The following SYT6 variants were observed in gnomAD, a reference collection of about 807,000 sequenced individuals.
SYT6 encodes the protein synaptotagmin 6.
Under a neutral mutation model 38.4 loss-of-function variants are expected in SYT6, and 24 were observed. The observed-to-expected ratio is 0.62, with a 90% CI of 0.45 to 0.88. The LOEUF (loss-of-function observed/expected upper bound fraction) is 0.88. SYT6 is among the 40% of genes least tolerant of loss of function. The probability of loss-of-function intolerance (pLI) is 0.00; values close to 1 mark genes in which losing one functional copy is unlikely to be tolerated. For synonymous variants in SYT6, 265 were observed against 241.9 expected (o/e 1.10, Z -0.89); for missense variants, 611 against 621.0 (o/e 0.98, Z 0.17).
chr1:114,111,542 C>A (rs1446222758), intron 3 of SYT6, among the ~76,000 whole-genome samples: 1 of 152,176 alleles, frequency 6.6e-6, no homozygotes, highest in Admixed American at 6.5e-5. Context: ...CCTGAAATAA[C>A]CTCTCCATCC....
At chr1:114,127,575 G>A (rs1677819479) in intron 3 of SYT6, among the ~76,000 whole-genome samples, 1 of 152,186 alleles carries the variant, frequency 6.6e-6, no homozygotes, top group African/African-American at 2.4e-5. Flanking sequence ...TTTCCTCCTA[G>A]TCACTATAGG....
At chr1:114,111,643 C>T (rs1407808287) in intron 3 of SYT6, among the ~76,000 whole-genome samples, 2 of 152,244 alleles carry the variant, frequency 1.3e-5, no homozygotes, top group East Asian at 1.9e-4. Flanking sequence ...TTGGTCTGGC[C>T]TGGGGTTGTG....
intron 3 of SYT6, among the ~76,000 whole-genome samples, chr1:114,116,828 C>G (rs1419815053): frequency 6.6e-6 from 1 of 152,208 alleles, no homozygotes; most frequent in African/African-American, 2.4e-5. Flanking sequence ...CCTGGGGCAT[C>G]TATGCCTTCC....
At chr1:114,149,040 A>G (rs750529532) in intron 1 of SYT6, among the ~76,000 whole-genome samples, 2 of 152,098 alleles carry the variant, frequency 1.3e-5, no homozygotes, top group Admixed American at 6.5e-5. Flanking sequence ...GCCTGACCCT[A>G]TGAACCTGGA....
chr1:114,107,685 G>A (rs932571996), intron 3 of SYT6, among the ~76,000 whole-genome samples: 4 of 152,200 alleles, frequency 2.6e-5, no homozygotes, highest in African/African-American at 7.2e-5. Flanking sequence ...TAAACAGAGA[G>A]GGTCAGCATC....
Position 114,091,905 on chromosome 1 carries a change from G to A in SYT6, c.*229C>T, listed in dbSNP as rs1290685513. The stretch of plus-strand genomic sequence containing the variant: ...CAGGTAAGACTCTGGAGTGACGGAC[G>A]GCTGCCGCTGCTGCCGCCACTGCGA... On this transcript the variant is annotated 3_prime_UTR_variant, in exon 8 of 8. Coordinates refer to ENST00000610222, the MANE Select transcript of SYT6 (RefSeq NM_001253772.2). 16 of 1,156,056 alleles carry A rather than the reference G, an allele frequency of 1.4e-5. No individual in the cohort carries two copies. The South Asian group carries it at 1.4e-4, about 10-fold the overall frequency. The allele number at this position is 1,156,056 out of a possible 1,614,324, so 71.6% of individuals were successfully genotyped here.
chr1:114,146,540 A>T (rs1239111833), intron 1 of SYT6, among the ~76,000 whole-genome samples: 4 of 152,208 alleles, frequency 2.6e-5, no homozygotes. Context: ...TAGAACTTTG[A>T]TGGGCAACTC....
At chr1:114,137,467 A>T (rs201488360) in intron 3 of SYT6, 28 bp downstream of exon 3, 1 of 1,589,374 alleles carries the variant, frequency 6.3e-7, no homozygotes, top group South Asian at 1.1e-5. Context: ...CAAATCCTCA[A>T]GAAGCCAAGG....
chr1:114,120,617 A>C (rs915813255), intron 3 of SYT6, among the ~76,000 whole-genome samples: 4 of 152,240 alleles, frequency 2.6e-5, no homozygotes, highest in Non-Finnish European at 5.9e-5. Flanking sequence ...CTTGCTGTGC[A>C]ACCTCAGATA....
chr1:114,128,233 C>T (rs1037944158), intron 3 of SYT6, among the ~76,000 whole-genome samples: 2 of 152,236 alleles, frequency 1.3e-5, no homozygotes, highest in African/African-American at 2.4e-5. Flanking sequence ...AGAAAACTCT[C>T]CCTCTCTGCT....
At chr1:114,138,410 A>G (rs1415708409) in intron 2 of SYT6, among the ~76,000 whole-genome samples, 1 of 152,164 alleles carries the variant, frequency 6.6e-6, no homozygotes, top group Non-Finnish European at 1.5e-5. Context: ...AGATTCCTTA[A>G]GAGAAGGACC....
chr1:114,098,127 G>A (rs1220075398), intron 5 of SYT6, among the ~76,000 whole-genome samples: 1 of 152,172 alleles, frequency 6.6e-6, no homozygotes, highest in Non-Finnish European at 1.5e-5. Context: ...GAAGTGGTGG[G>A]CAGATAGCCT....
chr1:114,123,234 C>G (rs1330557167), intron 3 of SYT6, among the ~76,000 whole-genome samples: 2 of 152,226 alleles, frequency 1.3e-5, no homozygotes, highest in African/African-American at 4.8e-5. Flanking sequence ...CTGTCCCCAA[C>G]TTCTCAAGAA....
chr1:114,115,607 G>C (rs1331420148), intron 3 of SYT6, among the ~76,000 whole-genome samples: 1 of 151,832 alleles, frequency 6.6e-6, no homozygotes. Flanking sequence ...GGTAGAGACG[G>C]GGTTTTATCA....
chr1:114,118,549 C>T (rs1376268381), intron 3 of SYT6, among the ~76,000 whole-genome samples: 4 of 152,228 alleles, frequency 2.6e-5, no homozygotes, highest in Non-Finnish European at 5.9e-5. Context: ...TCAGGAATGG[C>T]GCTGCCTGGC....
Position 114,139,739 on chromosome 1 carries a change from C to T in SYT6, c.388G>A (p.Ala130Thr), listed in dbSNP as rs1399092028. The change falls in exon 2 of 8, where the codon GCG becomes ACG. Residue 130 changes from alanine (A) to threonine (T), a missense_variant. Physicochemically the swap from Ala to Thr is moderately conservative, Grantham distance 58. Transcript: ENST00000610222. The part of the protein sequence containing the change: ...KDPSTLGFLE[A>T]AVKISHTSPD... ...GACGTGTGGCTGATCTTCACGGCCG[C>T]CTCCAGGAAGCCCAGGGTGCTGGGG... 1 of 1,614,130 alleles carries T rather than the reference C, an allele frequency of 6.2e-7. No individual in the cohort carries two copies. The highest frequency in any genetic ancestry group is 1.3e-5 in the African/African-American group (1 of 75,048).
chr1:114,117,836 G>T (rs1234301887), intron 3 of SYT6, among the ~76,000 whole-genome samples: 2 of 152,216 alleles, frequency 1.3e-5, no homozygotes, highest in Non-Finnish European at 2.9e-5. Flanking sequence ...ATCCTCAGCC[G>T]TAAAATGAGA....
intron 3 of SYT6, among the ~76,000 whole-genome samples, chr1:114,104,456 A>G (rs916099302): frequency 1.3e-5 from 2 of 152,118 alleles, no homozygotes; most frequent in Non-Finnish European, 2.9e-5. Flanking sequence ...GAAAACCTCA[A>G]AGACAGTAAG....
chr1:114,093,702 C>T, intron 7 of SYT6, 33 bp downstream of exon 7: 2 of 1,602,770 alleles, frequency 1.2e-6, no homozygotes, highest in Non-Finnish European at 1.7e-6. Flanking sequence ...TAATAAGCAA[C>T]CTAACGTCTT....
Sources: allele counts gnomAD v4.1 joint callset (sites outside exome capture counted in the v4.1 genomes callset), GRCh38; gene constraint gnomAD v4.1.1; transcripts MANE v1.5; gene names NCBI Gene and HGNC (gene_info 2026-07-23, HGNC 2026-07-21).